PABPN1L: variants seen among roughly 807,000 people sequenced by gnomAD.
PABPN1L encodes embryonic polyadenylate-binding protein 2.
A neutral mutation model predicts 34.0 loss-of-function variants in PABPN1L; 45 were observed. The ratio of observed to expected loss-of-function variants is 1.32; its 90% CI spans 1.04 to 1.70. PABPN1L has a LOEUF of 1.70. Among genes scored for constraint, PABPN1L ranks in the 40% most tolerant of loss-of-function variants. The pLI, the probability that PABPN1L is intolerant of heterozygous loss-of-function variation, is 0.00. For missense variants in PABPN1L, 459 were observed against 367.8 expected, an observed-to-expected ratio of 1.25 and a Z score of -2.03; for synonymous variants, 182 against 152.1, an observed-to-expected ratio of 1.20 and a Z score of -1.45.
At chr16:88,868,624 C>A (rs1490793502), upstream of PABPN1L, among the ~76,000 whole-genome samples, 1 of 151,590 alleles carries the variant, frequency 6.6e-6, no homozygotes, top group Non-Finnish European at 1.5e-5. Flanking sequence ...AACAAAAAAA[C>A]CCAAAGAGGG....
intron 1 of PABPN1L, 48 bp from the exon 2 acceptor site, chr16:88,865,989 T>G: frequency 6.5e-7 from 1 of 1,542,374 alleles, no homozygotes; most frequent in Non-Finnish European, 8.7e-7. Flanking sequence ...CAGGCTCTGC[T>G]CAAGGAAGGT....
chr16:88,866,586 G>C (rs955717445), exon 1 of PABPN1L: 1 of 1,550,720 alleles, frequency 6.4e-7, no homozygotes, highest in African/African-American at 1.4e-5. Flanking sequence ...GGAAGAGAGA[G>C]CGGCTCGGGA....
At chr16:88,863,875 A>G in intron 6 of PABPN1L, 80 bp from the exon 7 acceptor site, 1 of 1,393,668 alleles carries the variant, frequency 7.2e-7, no homozygotes, top group East Asian at 2.5e-5. Flanking sequence ...GGACAACAGG[A>G]TAAGGATGCA....
At chr16:88,865,815 C>G in exon 2 of PABPN1L, 1 of 1,605,926 alleles carries the variant, frequency 6.2e-7, no homozygotes, top group Non-Finnish European at 8.5e-7. Flanking sequence ...CCCACGGTCT[C>G]AGGGCTCAGC....
upstream of PABPN1L, among the ~76,000 whole-genome samples, chr16:88,870,097 CTTT>C (rs1220991147): frequency 6.9e-6 from 1 of 145,090 alleles, no homozygotes; most frequent in Non-Finnish European, 1.5e-5. Flanking sequence ...GTTTTCATTT[CTTT>C]TTTTTTTTTG....
exon 7 of PABPN1L, chr16:88,863,376 C>T (rs998019613): frequency 2.8e-6 from 1 of 361,484 alleles, no homozygotes; most frequent in Non-Finnish European, 5.2e-6. Flanking sequence ...TATGCTTCAC[C>T]ATTAAGACAC....
upstream of PABPN1L, among the ~76,000 whole-genome samples, chr16:88,866,959 A>G (rs1254223210): frequency 6.6e-6 from 1 of 152,240 alleles, no homozygotes; most frequent in East Asian, 1.9e-4. Flanking sequence ...CACGAACGCC[A>G]CACTGCATGA....
chr16:88,864,635 G>T (rs1968543126), intron 5 of PABPN1L, among the ~76,000 whole-genome samples: 1 of 150,672 alleles, frequency 6.6e-6, no homozygotes, highest in South Asian at 2.1e-4. Context: ...TGCAGAGGGG[G>T]CTCCCGCCCG....
In PABPN1L at chr16:88,865,957, C is replaced by T; in HGVS notation, c.256-16G>A. ...CCTCCAGCTCCTGCCGACACACGGCCCTGAGCCGGGCAGGCAGCCTGCAGG... is the reference window on the plus strand; with the variant it reads ...CCTCCAGCTCCTGCCGACACACGGCTCTGAGCCGGGCAGGCAGCCTGCAGG... On this transcript the variant is annotated splice_polypyrimidine_tract_variant and intron_variant, in intron 1 of 6. Coordinates refer to ENST00000419291, the Ensembl canonical transcript of PABPN1L. The T allele has an allele frequency of 6.2e-7, 1 of 1,600,926 alleles. No homozygotes were observed. Among genetic ancestry groups the T allele is most frequent in the Non-Finnish European group, 8.5e-7 (1 of 1,177,300 alleles).
chr16:88,866,662 C>T (rs144983266), upstream of PABPN1L: 192 of 1,473,472 alleles, frequency 1.3e-4, no homozygotes, highest in African/African-American at 1.7e-3. Context: ...ACTCCCCTCG[C>T]GTCCGCACCT....
upstream of PABPN1L, chr16:88,866,631 G>C (rs377440018): frequency 6.6e-7 from 1 of 1,510,080 alleles, no homozygotes; most frequent in East Asian, 2.5e-5. Context: ...AGGAAGGTGG[G>C]CCAGGCGAGG....
chr16:88,863,678 C>G, exon 7 of PABPN1L: 1 of 1,500,800 alleles, frequency 6.7e-7, no homozygotes, highest in Non-Finnish European at 9.0e-7. Flanking sequence ...CCACTCCCTG[C>G]CCCAGCCCCA....
Position 88,864,837 on chromosome 16 carries a change from G to A in PABPN1L, c.654+16C>T, listed in dbSNP as rs1156389628. On this transcript the variant is annotated intron_variant, in intron 5 of 6. Coordinates refer to ENST00000419291, the Ensembl canonical transcript of PABPN1L. Reference sequence around the variant, plus strand: ...CTCTGCGCTCATGTTCCTGGACCTGGGGAGCACCGGCGCACCTTGATGACC... The same window carrying A: ...CTCTGCGCTCATGTTCCTGGACCTGAGGAGCACCGGCGCACCTTGATGACC... The A allele has an allele frequency of 1.3e-6, 2 of 1,596,014 alleles. No homozygotes were observed. Among genetic ancestry groups the A allele is most frequent in the Admixed American group, 1.7e-5 (1 of 57,764 alleles).
exon 6 of PABPN1L, chr16:88,864,245 C>T: frequency 6.4e-7 from 1 of 1,559,692 alleles, no homozygotes; most frequent in South Asian, 1.2e-5. Context: ...ACCGGTTCTG[C>T]CCTTGTGGTC....
intron 5 of PABPN1L, 75 bp downstream of exon 5, chr16:88,864,778 G>A (rs570607146): frequency 7.0e-7 from 1 of 1,435,814 alleles, no homozygotes; most frequent in South Asian, 1.2e-5. Context: ...GCCAGCTGGG[G>A]CTGCTGTGTG....
Position 88,865,545 on chromosome 16 carries a change from A to C in PABPN1L, c.459+18T>G, listed in dbSNP as rs776189902. ...GGCCCCATTCGCTGCCTGCCCCTTCACCCCGCCCACCACTCACGTTGCCCA... is the reference window on the plus strand; with the variant it reads ...GGCCCCATTCGCTGCCTGCCCCTTCCCCCCGCCCACCACTCACGTTGCCCA... On this transcript the variant is annotated intron_variant, in intron 3 of 6. Transcript: ENST00000419291. The C allele has an allele frequency of 2.4e-5, 39 of 1,605,784 alleles. No individual in the cohort carries two copies. Among genetic ancestry groups the C allele is most frequent in the Admixed American group, 1.7e-5 (1 of 59,266 alleles).
chr16:88,866,084 A>G (rs2143020486), intron 1 of PABPN1L, 143 bp from the exon 2 acceptor site: 1 of 1,362,508 alleles, frequency 7.3e-7, no homozygotes, highest in Non-Finnish European at 9.7e-7. Flanking sequence ...TTCCTGGGGC[A>G]GCTGGCTGGG....
upstream of PABPN1L, among the ~76,000 whole-genome samples, chr16:88,868,853 C>A (rs1227039301): frequency 6.6e-6 from 1 of 152,210 alleles, no homozygotes; most frequent in African/African-American, 2.4e-5. Flanking sequence ...GATAAAACTG[C>A]CACAGGGAAT....
exon 1 of PABPN1L, chr16:88,866,368 C>A (rs1226994417): frequency 6.5e-7 from 1 of 1,550,294 alleles, no homozygotes; most frequent in East Asian, 2.4e-5. Flanking sequence ...AGGCAATGGG[C>A]ACTCAGCCAG....
Sources: gnomAD v4.1 joint callset for allele counts (sites outside exome capture counted in the v4.1 genomes callset) on GRCh38, gnomAD v4.1.1 for gene constraint, MANE v1.5 for transcripts, NCBI Gene and HGNC (gene_info 2026-07-23, HGNC 2026-07-21) for gene names.